NPEPPS: variants seen among roughly 807,000 people sequenced by gnomAD.
NPEPPS encodes the protein puromycin-sensitive aminopeptidase.
NPEPPS carries 14 observed loss-of-function variants against 115.5 expected under a neutral mutation model. The ratio of observed to expected loss-of-function variants is 0.12; its 90% CI spans 0.08 to 0.19. The LOEUF is 0.19. Ranked by LOEUF, NPEPPS falls within the 10% of genes least tolerant of loss-of-function variation. NPEPPS has a pLI of 1.00. For missense variants in NPEPPS, 523 were observed against 1,110.8 expected, an observed-to-expected ratio of 0.47 and a Z score of 7.52; for synonymous variants, 285 against 390.6, an observed-to-expected ratio of 0.73 and a Z score of 3.19.
intron 2 of NPEPPS, among the ~76,000 whole-genome samples, chr17:47,566,787 G>A (rs1156471825): frequency 6.6e-6 from 1 of 152,038 alleles, no homozygotes; most frequent in African/African-American, 2.4e-5. Context: ...TCAAATTTAG[G>A]AGCTAGGCCA....
At chr17:47,599,806 C>A in intron 14 of NPEPPS, 67 bp downstream of exon 14, 1 of 1,268,450 alleles carries the variant, frequency 7.9e-7, no homozygotes, top group Non-Finnish European at 1.1e-6. Flanking sequence ...CAGTAGTATT[C>A]CAACTAATAG....
intron 13 of NPEPPS, among the ~76,000 whole-genome samples, chr17:47,597,262 G>T (rs1001575305): frequency 6.6e-6 from 1 of 152,174 alleles, no homozygotes; most frequent in Non-Finnish European, 1.5e-5. Flanking sequence ...ACTGTTACCT[G>T]AATTCAGAGA....
chr17:47,561,338 C>T (rs530509680), intron 2 of NPEPPS, among the ~76,000 whole-genome samples: 1 of 139,332 alleles, frequency 7.2e-6, no homozygotes, highest in South Asian at 2.4e-4. Flanking sequence ...TGCAGTGAGA[C>T]CCTGTCTCAA....
At chr17:47,530,652 C>G (rs1433513645), upstream of NPEPPS, among the ~76,000 whole-genome samples, 1 of 152,120 alleles carries the variant, frequency 6.6e-6, no homozygotes, top group Non-Finnish European at 1.5e-5. Context: ...ACACTGCGCC[C>G]GGCTATTAAA....
rs140106708 is a variant in NPEPPS, at chr17:47,619,998, C to T, written c.2607+214C>T. 3.6e-3 allele frequency: 1,561 copies of T among 435,636 alleles called. 23 individuals are homozygous for T. The highest frequency in any genetic ancestry group is 0.026 in the African/African-American group (1,259 of 48,620). 27.0% of individuals were successfully genotyped at this position (435,636 alleles called of 1,614,324 possible). A position where few individuals can be genotyped will look rare whatever the true frequency, so the allele number is the denominator to read the frequency against. On this transcript the variant is annotated intron_variant, in intron 22 of 22. Coordinates refer to ENST00000322157, the MANE Select transcript of NPEPPS (RefSeq NM_006310.4). ...CTGTAATCTCAGCACTTTGGGAGGCCGAGGTGGGTGGATCACCTGAGGTCA... is the reference window on the plus strand; with the variant it reads ...CTGTAATCTCAGCACTTTGGGAGGCTGAGGTGGGTGGATCACCTGAGGTCA...
At chr17:47,567,510 A>C (rs956707544) in intron 2 of NPEPPS, among the ~76,000 whole-genome samples, 3 of 152,162 alleles carry the variant, frequency 2.0e-5, no homozygotes, top group African/African-American at 7.2e-5. Flanking sequence ...TTTCTGTAGT[A>C]CTTTCCTTTC....
intron 2 of NPEPPS, among the ~76,000 whole-genome samples, chr17:47,565,604 G>A (rs1910760152): frequency 6.6e-6 from 1 of 151,456 alleles, no homozygotes; most frequent in Non-Finnish European, 1.5e-5. Flanking sequence ...AGGATCGCTT[G>A]AGCTCGGGAG....
chr17:47,617,380 C>T (rs956549311), intron 19 of NPEPPS, among the ~76,000 whole-genome samples: 1 of 151,772 alleles, frequency 6.6e-6, no homozygotes, highest in African/African-American at 2.4e-5. Context: ...TTTTTGGAAA[C>T]ACAGTCTTGC....
rs1914695121 is a variant in NPEPPS, at chr17:47,623,095, T to C, written c.*1175T>C. On this transcript the variant is annotated 3_prime_UTR_variant, in exon 23 of 23. Coordinates refer to ENST00000322157, the MANE Select transcript of NPEPPS (RefSeq NM_006310.4). ...CCCTTCTTCTTTCCCTACCTTTTTT[T>C]TCTTTTTTTCTTAAAAAAATATTTT... 1 of 255,056 alleles carries C rather than the reference T, an allele frequency of 3.9e-6. No homozygotes were observed. Among genetic ancestry groups the C allele is most frequent in the Non-Finnish European group, 7.7e-6 (1 of 130,230 alleles). The allele number at this position is 255,056 out of a possible 1,614,324, so 15.8% of individuals were successfully genotyped here.
At position 47,601,744 on chromosome 17, in the gene NPEPPS, G is replaced by A. The variant is rs1222631922; in HGVS notation, c.1737G>A (p.Val579=). 3.1e-6 allele frequency: 5 copies of A among 1,613,306 alleles called. No homozygotes were observed. Among genetic ancestry groups the A allele is most frequent in the Non-Finnish European group, 3.4e-6 (4 of 1,179,638 alleles). The change falls in exon 15 of 23, where the codon GTG becomes GTA. Residue 579 remains valine (V), a synonymous_variant. Transcript: ENST00000322157. ...AAAATGTCAAACCAGACCAATGGGT[G>A]AAGGTGAGTTCAGAATCTTACCTAA... is the stretch of plus-strand genomic sequence containing the variant. ...VLKNVKPDQW[V]KLNLGTVGFY...
intron 1 of NPEPPS, among the ~76,000 whole-genome samples, chr17:47,538,202 CTTTT>C (rs543559258): frequency 0.02 from 1,184 of 58,392 alleles, 12 homozygotes; most frequent in African/African-American, 0.06. Context: ...CATATCTGTT[CTTTT>C]TTTTTTTTTT....
At chr17:47,525,568 C>T (rs1256626307) in intron 1 of NPEPPS, among the ~76,000 whole-genome samples, 2 of 152,150 alleles carry the variant, frequency 1.3e-5, no homozygotes, top group African/African-American at 4.8e-5. Context: ...GTCTTGAACT[C>T]CCAACCTCAG....
At position 47,591,951 on chromosome 17, in the gene NPEPPS, G is replaced by A. The variant is rs1251348896; in HGVS notation, c.1261-5G>A. 5 of 988,754 alleles carry A rather than the reference G, an allele frequency of 5.1e-6. No homozygotes were observed. Among genetic ancestry groups the A allele is most frequent in the East Asian group, 5.1e-5 (2 of 39,472 alleles). 61.2% of individuals were successfully genotyped at this position (988,754 alleles called of 1,614,324 possible). On this transcript the variant is annotated splice_region_variant and splice_polypyrimidine_tract_variant and intron_variant, in intron 10 of 22. Coordinates refer to ENST00000322157, the MANE Select transcript of NPEPPS (RefSeq NM_006310.4). Reference sequence around the variant, plus strand: ...GTCATAACCCTGAATCACACTGTCTGCCAGGTCAGTGTGGGCCATCCATCT... The same window carrying A: ...GTCATAACCCTGAATCACACTGTCTACCAGGTCAGTGTGGGCCATCCATCT...
intron 19 of NPEPPS, among the ~76,000 whole-genome samples, chr17:47,617,513 T>A (rs1051395637): frequency 3.3e-5 from 5 of 151,442 alleles, no homozygotes; most frequent in Non-Finnish European, 5.9e-5. Context: ...ATATATATAT[T>A]TTTTAGGATA....
intron 4 of NPEPPS, chr17:47,580,000 CT>C (rs1291575483): frequency 6.7e-6 from 1 of 149,678 alleles, no homozygotes; most frequent in Non-Finnish European, 1.5e-5. Context: ...TATATATTTG[CT>C]GTCCTATGTA....
upstream of NPEPPS, among the ~76,000 whole-genome samples, chr17:47,530,061 C>G (rs1201518780): frequency 6.9e-6 from 1 of 144,568 alleles, no homozygotes; most frequent in African/African-American, 2.5e-5. Flanking sequence ...CTCAGCCTCC[C>G]GAATAGCTGG....
chr17:47,533,655 G>C (rs1267449037), intron 1 of NPEPPS, among the ~76,000 whole-genome samples: 1 of 152,042 alleles, frequency 6.6e-6, no homozygotes, highest in Admixed American at 6.6e-5. Flanking sequence ...TAAGTATCGG[G>C]ATAGAACAAC....
chr17:47,591,967 C>T lies in NPEPPS; in HGVS notation c.1272C>T (p.Gly424=), dbSNP rs761476016. 2.5e-6 allele frequency: 3 copies of T among 1,188,002 alleles called. No individual in the cohort carries two copies. The highest frequency in any genetic ancestry group is 3.7e-6 in the Non-Finnish European group (3 of 811,832). 73.6% of individuals were successfully genotyped at this position (1,188,002 alleles called of 1,614,324 possible). The part of the protein sequence containing the change: ...DNSHPIEVSV[G]HPSEVDEIFD... ...ACACTGTCTGCCAGGTCAGTGTGGG[C>T]CATCCATCTGAGGTTGATGAGATAT... Residue 424 remains glycine, a synonymous_variant, in exon 11 of 23, where the codon GGC becomes GGT. Coordinates refer to ENST00000322157, the MANE Select transcript of NPEPPS (RefSeq NM_006310.4).
intron 2 of NPEPPS, among the ~76,000 whole-genome samples, chr17:47,564,174 G>A (rs868058592): frequency 3.3e-5 from 5 of 151,850 alleles, no homozygotes; most frequent in Non-Finnish European, 2.9e-5. Flanking sequence ...CTCCCACCTC[G>A]GTCTCCCAAA....
Sources: gnomAD v4.1 joint callset for allele counts (sites outside exome capture counted in the v4.1 genomes callset) on GRCh38, gnomAD v4.1.1 for gene constraint, MANE v1.5 for transcripts, NCBI Gene and HGNC (gene_info 2026-07-23, HGNC 2026-07-21) for gene names.